Variants in SBNO1 observed in about 807,000 individuals in gnomAD.
SBNO1 encodes the protein strawberry notch homolog 1.
A neutral mutation model predicts 173.6 loss-of-function variants in SBNO1; 23 were observed. The ratio of observed to expected loss-of-function variants is 0.13; its 90% CI spans 0.10 to 0.19. The LOEUF is 0.19. Among genes scored for constraint, SBNO1 ranks in the 10% least tolerant of loss-of-function variants. SBNO1 has a pLI of 1.00. For synonymous variants in SBNO1, 632 were observed against 571.5 expected, an observed-to-expected ratio of 1.11 and a Z score of -1.51; for missense variants, 1,238 against 1,671.2, an observed-to-expected ratio of 0.74 and a Z score of 4.52.
intron 1 of SBNO1, among the ~76,000 whole-genome samples, chr12:123,359,414 T>C (rs942048927): frequency 6.6e-6 from 1 of 151,574 alleles, no homozygotes; most frequent in Non-Finnish European, 1.5e-5. Context: ...ACAAAAAAGG[T>C]AGCTGGGCGT....
rs1182133797 is a variant in SBNO1, at chr12:123,294,225, C to A, written c.*1683G>T. On this transcript the variant is annotated 3_prime_UTR_variant, in exon 32 of 32. Coordinates refer to ENST00000602398, the MANE Select transcript of SBNO1 (RefSeq NM_001167856.3). ...AAAACTTACGGTAAGCTTGACATAACCAAACTCAGGCTAAAGGAGACACAA... is the reference window on the plus strand; with the variant it reads ...AAAACTTACGGTAAGCTTGACATAAACAAACTCAGGCTAAAGGAGACACAA... 2.0e-5 allele frequency: 3 copies of A among 149,102 alleles called. No homozygotes were observed. Among genetic ancestry groups the A allele is most frequent in the African/African-American group, 4.9e-5 (2 of 41,082 alleles). The allele number at this position is 149,102 out of a possible 1,614,324, so 9.2% of individuals were successfully genotyped here. A position where few individuals can be genotyped will look rare whatever the true frequency, so the allele number is the denominator to read the frequency against.
intron 2 of SBNO1, 128 bp from the exon 3 acceptor site, chr12:123,348,261 G>A (rs576195948): frequency 1.1e-5 from 6 of 526,720 alleles, no homozygotes; most frequent in Non-Finnish European, 2.1e-5. Flanking sequence ...ACTAACAGCA[G>A]ATTTATAATG....
At chr12:123,340,180 T>C in intron 5 of SBNO1, among the ~76,000 whole-genome samples, 1 of 152,208 alleles carries the variant, frequency 6.6e-6, no homozygotes, top group Admixed American at 6.6e-5. Flanking sequence ...ATAAATATAC[T>C]TCTTGTAGAA....
Position 123,321,748 on chromosome 12 carries a change from A to G in SBNO1, c.2126-16T>C. Reference sequence around the variant, plus strand: ...ATTTCTTCACCTACCCTCCGCCACAAACAAGAGAGTCAGCCCAAATTCAAT... The same window carrying G: ...ATTTCTTCACCTACCCTCCGCCACAGACAAGAGAGTCAGCCCAAATTCAAT... On this transcript the variant is annotated splice_polypyrimidine_tract_variant and intron_variant, in intron 16 of 31. Transcript: ENST00000602398. 6.2e-7 allele frequency: 1 copy of G among 1,609,532 alleles called. No individual in the cohort carries two copies. Among genetic ancestry groups the G allele is most frequent in the East Asian group, 2.2e-5 (1 of 44,860 alleles).
At chr12:123,309,682 T>A (rs777460492) in intron 26 of SBNO1, 28 bp downstream of exon 26, 1 of 1,608,712 alleles carries the variant, frequency 6.2e-7, no homozygotes, top group Admixed American at 1.7e-5. Context: ...CCTGGGGACA[T>A]TGTGGGGGGG....
In SBNO1 at chr12:123,309,364, G is replaced by A; in HGVS notation, c.3576C>T (p.Thr1192=). Residue 1192 remains threonine (T), a synonymous_variant, in exon 28 of 32, where the codon ACC becomes ACT. Coordinates refer to ENST00000602398, the MANE Select transcript of SBNO1 (RefSeq NM_001167856.3). ...GTCCTGTCAGCTCAGCCCAAATCTT[G>A]GTAGCTTCCTCCCATGACATTCCCC... ...VERGMSWEEA[T]KIWAELTGPD... The A allele has an allele frequency of 2.5e-6, 4 of 1,614,074 alleles. No homozygotes were observed. Among genetic ancestry groups the A allele is most frequent in the Non-Finnish European group, 2.5e-6 (3 of 1,179,972 alleles).
intron 4 of SBNO1, 98 bp from the exon 5 acceptor site, chr12:123,341,186 A>C: frequency 8.9e-6 from 6 of 673,536 alleles, no homozygotes; most frequent in Non-Finnish European, 1.2e-5. Context: ...GCGGTGGCTC[A>C]CACCTGTAAT....
chr12:123,338,242 C>A (rs1374625811), intron 5 of SBNO1, among the ~76,000 whole-genome samples: 1 of 152,190 alleles, frequency 6.6e-6, no homozygotes, highest in Non-Finnish European at 1.5e-5. Flanking sequence ...CTTCAAAATA[C>A]CATGAAGGCC....
intron 20 of SBNO1, among the ~76,000 whole-genome samples, chr12:123,318,737 C>CAAAA (rs56158087): frequency 5.0e-4 from 58 of 116,512 alleles, no homozygotes; most frequent in African/African-American, 2.1e-3. Flanking sequence ...GACTCTGTCT[C>CAAAA]AAAAAAAAAA....
Position 123,320,540 on chromosome 12 carries a change from C to T in SBNO1, c.2559G>A (p.Gln853=), listed in dbSNP as rs1373274188. The part of the protein sequence containing the change: ...TSQDAVERAQ[Q]MKKDLLDKLE... The stretch of plus-strand genomic sequence containing the variant: ...GCTTATCAAGCAGGTCTTTCTTCAT[C>T]TGCTGAGCCCTTTCCACAGCATCCT... Residue 853 remains glutamine (Q), a synonymous_variant, in exon 19 of 32, where the codon CAG becomes CAA. Transcript: ENST00000602398. 1.2e-6 allele frequency: 2 copies of T among 1,614,162 alleles called. No homozygotes were observed. The highest frequency in any genetic ancestry group is 2.2e-5 in the South Asian group (2 of 91,084).
chr12:123,319,070 TCTC>T (rs1464163004), intron 20 of SBNO1, among the ~76,000 whole-genome samples: 1 of 151,222 alleles, frequency 6.6e-6, no homozygotes, highest in Non-Finnish European at 1.5e-5. Flanking sequence ...TTCCAGCTAT[TCTC>T]CTCCCTCAGC....
chr12:123,319,281 A>G (rs1459059824), intron 20 of SBNO1, among the ~76,000 whole-genome samples: 2 of 152,022 alleles, frequency 1.3e-5, no homozygotes, highest in Admixed American at 6.6e-5. Context: ...CAGTATTTTT[A>G]TATCATGATT....
In SBNO1 at chr12:123,294,957, TTA is replaced by T. The variant is rs2048572151; in HGVS notation, c.*949_*950del. The stretch of plus-strand genomic sequence containing the variant: ...CTACAACTCAGGTATGGTTTCCTTT[TTA>T]TGAGTGACAAAGCAAATTAAGATAA... On this transcript the variant is annotated 3_prime_UTR_variant, in exon 32 of 32. Transcript: ENST00000602398. 1.3e-5 allele frequency: 2 copies of T among 152,228 alleles called. No individual in the cohort carries two copies. The highest frequency in any genetic ancestry group is 2.4e-5 in the African/African-American group (1 of 41,462). 9.4% of individuals were successfully genotyped at this position (152,228 alleles called of 1,614,324 possible). A position where few individuals can be genotyped will look rare whatever the true frequency, so the allele number is the denominator to read the frequency against.
intron 28 of SBNO1, 136 bp from the exon 29 acceptor site, chr12:123,304,855 C>T (rs2138896859): frequency 9.6e-6 from 6 of 622,144 alleles, no homozygotes; most frequent in Non-Finnish European, 1.4e-5. Context: ...CAAAAAGGAC[C>T]GAAAATGCTT....
intron 1 of SBNO1, among the ~76,000 whole-genome samples, chr12:123,362,840 C>G (rs1376627084): frequency 6.6e-6 from 1 of 151,090 alleles, no homozygotes; most frequent in African/African-American, 2.4e-5. Context: ...AATCCCACCA[C>G]TTCGGGAAGC....
In SBNO1 at chr12:123,315,382, A is replaced by G. The variant is rs371549825; in HGVS notation, c.3111T>C (p.Phe1037=). ...GAAAATTGAAATGTACCTTATTATC[A>G]AAGTTGAACCTGCTCAGATCTCTAG... The part of the protein sequence containing the change: ...TESRDLSRFN[F]DNKYGRNALE... Residue 1037 remains phenylalanine (F), a synonymous_variant, in exon 23 of 32, where the codon TTT becomes TTC. Coordinates refer to ENST00000602398, the MANE Select transcript of SBNO1 (RefSeq NM_001167856.3). 71 of 1,611,182 alleles carry G rather than the reference A, an allele frequency of 4.4e-5. 1 individual carries two copies. In the East Asian group the frequency reaches 4.9e-4, roughly 11 times the overall value.
At chr12:123,359,254 T>C (rs1874838147) in intron 1 of SBNO1, among the ~76,000 whole-genome samples, 1 of 146,666 alleles carries the variant, frequency 6.8e-6, no homozygotes, top group Non-Finnish European at 1.5e-5. Flanking sequence ...CATTTTAAAA[T>C]AGCTCAGTAT....
At position 123,309,775 on chromosome 12, in the gene SBNO1, G is replaced by A; in HGVS notation, c.3377C>T (p.Ala1126Val). 6.2e-7 allele frequency: 1 copy of A among 1,612,670 alleles called. No individual in the cohort carries two copies. The highest frequency in any genetic ancestry group is 8.5e-7 in the Non-Finnish European group (1 of 1,179,378). Residue 1126 changes from alanine (A) to valine (V), a missense_variant, in exon 26 of 32, where the codon GCG becomes GTG. This residue lies in a region of SBNO1 where 351 missense variants were observed against 420.3 expected (regional missense o/e 0.84). Coordinates refer to ENST00000602398, the MANE Select transcript of SBNO1 (RefSeq NM_001167856.3). The stretch of plus-strand genomic sequence containing the variant: ...TTGAACAACTGCAGTAAGTGTGTCC[G>A]CAAAATACTGAAATAACGCATTCTG... ...HQQNALFQYF[A>V]DTLTAVVQNA...
At chr12:123,321,455 GAAGAA>G (rs1300715330) in intron 17 of SBNO1, 75 bp downstream of exon 17, 7 of 1,016,840 alleles carry the variant, frequency 6.9e-6, no homozygotes, top group African/African-American at 1.6e-5. Flanking sequence ...GTACTGTACA[GAAGAA>G]AAGGTTTCAT....
Sources: gnomAD v4.1 joint callset for allele counts (sites outside exome capture counted in the v4.1 genomes callset) on GRCh38, gnomAD v4.1.1 for gene constraint, gnomAD v4.1.1 regional missense constraint, MANE v1.5 for transcripts, NCBI Gene and HGNC (gene_info 2026-07-23, HGNC 2026-07-21) for gene names.